YEATS4: variants seen among roughly 807,000 people sequenced by gnomAD.
YEATS4 encodes YEATS domain-containing protein 4.
In YEATS4, 17 loss-of-function variants were observed where a neutral mutation model predicts 30.1. The ratio of observed to expected loss-of-function variants is 0.56; its 90% CI spans 0.39 to 0.85. The LOEUF (loss-of-function observed/expected upper bound fraction) is 0.85, where lower values mean the gene tolerates loss of function less well. Among genes scored for constraint, YEATS4 ranks in the 40% least tolerant of loss-of-function variants. The pLI is 0.00. For synonymous variants in YEATS4, 85 were observed against 87.5 expected (o/e 0.97, Z 0.16); for missense variants, 142 against 268.3 (o/e 0.53, Z 3.29).
the YEATS4 span, among the ~76,000 whole-genome samples, chr12:69,420,724 G>A: frequency 6.6e-6 from 1 of 150,386 alleles, no homozygotes; most frequent in Non-Finnish European, 1.5e-5. Flanking sequence ...GGTGATAAAT[G>A]TCATGTTATG....
chr12:69,385,678 ATATT>A (rs1876245845), intron 6 of YEATS4, among the ~76,000 whole-genome samples: 1 of 152,216 alleles, frequency 6.6e-6, no homozygotes, highest in African/African-American at 2.4e-5. Flanking sequence ...TATAGAGAGA[ATATT>A]TATTATGGAG....
intron 4 of YEATS4, 82 bp downstream of exon 4, chr12:69,365,966 C>A: frequency 1.9e-6 from 2 of 1,037,842 alleles, no homozygotes; most frequent in Non-Finnish European, 1.4e-6. Flanking sequence ...GAATAGTGTT[C>A]ATTCAGATGT....
At position 69,370,769 on chromosome 12, in the gene YEATS4, A is replaced by G. The variant is rs1446687488; in HGVS notation, c.397A>G (p.Thr133Ala). 6.3e-7 allele frequency: 1 copy of G among 1,599,844 alleles called. No individual in the cohort carries two copies. Among genetic ancestry groups the G allele is most frequent in the Non-Finnish European group, 8.5e-7 (1 of 1,175,726 alleles). The change falls in exon 5 of 7, where the codon ACA (threonine) becomes GCA (alanine). Residue 133 changes from threonine (T) to alanine (A), a missense_variant. Thr to Ala is a moderately conservative substitution (Grantham distance 58, BLOSUM62 0). Coordinates refer to ENST00000247843, the MANE Select transcript of YEATS4 (RefSeq NM_006530.4). ...CACCAATGCAATGCTGGGGAAAAAGACAGTGGTTTCAGAGTTCTATGATGA... is the reference window on the plus strand; with the variant it reads ...CACCAATGCAATGCTGGGGAAAAAGGCAGTGGTTTCAGAGTTCTATGATGA... ...SDTNAMLGKK[T>A]VVSEFYDEMI...
the YEATS4 span, among the ~76,000 whole-genome samples, chr12:69,421,902 A>T: frequency 3.9e-3 from 588 of 152,294 alleles, 3 homozygotes; most frequent in African/African-American, 0.013. Flanking sequence ...GTGAAGGTTG[A>T]GTAGAACACC....
the YEATS4 span, among the ~76,000 whole-genome samples, chr12:69,397,374 ACC>A: frequency 6.6e-6 from 1 of 152,106 alleles, no homozygotes; most frequent in Non-Finnish European, 1.5e-5. Context: ...CTGTGTCCCC[ACC>A]CAAATCTCAT....
chr12:69,365,398 C>A (rs1226557900), intron 2 of YEATS4, among the ~76,000 whole-genome samples: 2 of 151,052 alleles, frequency 1.3e-5, no homozygotes, highest in Non-Finnish European at 2.9e-5. Context: ...TTGCAGTGAG[C>A]CAAGATCATG....
At chr12:69,418,483 T>G in the YEATS4 span, among the ~76,000 whole-genome samples, 1 of 152,172 alleles carries the variant, frequency 6.6e-6, no homozygotes, top group South Asian at 2.1e-4. Context: ...TTTTCTGATC[T>G]GCACCAAATC....
At chr12:69,405,952 A>C in the YEATS4 span, among the ~76,000 whole-genome samples, 2 of 152,224 alleles carry the variant, frequency 1.3e-5, no homozygotes, top group African/African-American at 4.8e-5. Context: ...TGAGGTAGCT[A>C]ACTTTGCAAA....
At chr12:69,388,359 G>A (rs1197239874) in intron 6 of YEATS4, among the ~76,000 whole-genome samples, 4 of 152,168 alleles carry the variant, frequency 2.6e-5, no homozygotes, top group Non-Finnish European at 4.4e-5. Flanking sequence ...TAGCTGTATC[G>A]TACAAAGAGA....
the YEATS4 span, among the ~76,000 whole-genome samples, chr12:69,417,004 C>T: frequency 4.6e-5 from 7 of 151,314 alleles, no homozygotes; most frequent in African/African-American, 1.7e-4. Context: ...ACCCAGGAGG[C>T]GGAGGTTGCA....
chr12:69,406,349 AC>A, the YEATS4 span, among the ~76,000 whole-genome samples: 1 of 152,156 alleles, frequency 6.6e-6, no homozygotes. Flanking sequence ...TTTTTTTGAA[AC>A]AAAGTCTCAC....
downstream of YEATS4, among the ~76,000 whole-genome samples, chr12:69,395,220 TAAG>T (rs1235222993): frequency 2.6e-5 from 4 of 151,044 alleles, no homozygotes; most frequent in Middle Eastern, 3.4e-3. Context: ...AGGAAAAAAA[TAAG>T]AAAAAATGTA....
the YEATS4 span, among the ~76,000 whole-genome samples, chr12:69,424,795 A>G: frequency 6.6e-6 from 1 of 152,274 alleles, no homozygotes; most frequent in South Asian, 2.1e-4. Flanking sequence ...TCCCAAAGCC[A>G]TGCAGAACTC....
At chr12:69,421,355 C>T in the YEATS4 span, among the ~76,000 whole-genome samples, 2 of 152,104 alleles carry the variant, frequency 1.3e-5, no homozygotes, top group African/African-American at 2.4e-5. Context: ...GTGTGTCAGG[C>T]AATTACTGAG....
chr12:69,420,412 A>AG, the YEATS4 span, among the ~76,000 whole-genome samples: 1 of 151,366 alleles, frequency 6.6e-6, no homozygotes, highest in East Asian at 2.0e-4. Context: ...GGTTAGGGGG[A>AG]GGGGGACAGA....
chr12:69,363,975 A>G (rs1275297315), intron 2 of YEATS4, among the ~76,000 whole-genome samples: 1 of 152,226 alleles, frequency 6.6e-6, no homozygotes, highest in African/African-American at 2.4e-5. Context: ...GCCAAATATT[A>G]TATGCTTTTA....
At chr12:69,389,806 C>G (rs1420699809) in intron 6 of YEATS4, among the ~76,000 whole-genome samples, 1 of 152,130 alleles carries the variant, frequency 6.6e-6, no homozygotes, top group African/African-American at 2.4e-5. Context: ...AGCCACTGCG[C>G]CCAGTCACCT....
At chr12:69,379,583 A>ATTTTTTTTTTTTTT (rs61048163) in intron 6 of YEATS4, among the ~76,000 whole-genome samples, 2 of 72,300 alleles carry the variant, frequency 2.8e-5, no homozygotes, top group Non-Finnish European at 5.1e-5. Context: ...TGCCCAGCTA[A>ATTTTTTTTTTTTTT]TTTTTTTTTT....
At chr12:69,404,340 C>T in the YEATS4 span, among the ~76,000 whole-genome samples, 3 of 152,172 alleles carry the variant, frequency 2.0e-5, no homozygotes, top group Admixed American at 2.0e-4. Flanking sequence ...TTCCAAAGCT[C>T]GTGCTAAAAT....
Sources: allele counts gnomAD v4.1 joint callset (sites outside exome capture counted in the v4.1 genomes callset), GRCh38; gene constraint gnomAD v4.1.1; transcripts MANE v1.5; gene names NCBI Gene and HGNC (gene_info 2026-07-23, HGNC 2026-07-21).